CSMD3: variants seen among roughly 807,000 people sequenced by gnomAD.
CSMD3 encodes the protein CUB and Sushi multiple domains 3, also known as CUB and sushi domain-containing protein 3.
In CSMD3, 177 loss-of-function variants were observed where a neutral mutation model predicts 435.2. The ratio of observed to expected loss-of-function variants is 0.41; its 90% CI spans 0.36 to 0.46. The LOEUF (loss-of-function observed/expected upper bound fraction) is 0.46, where lower values mean the gene tolerates loss of function less well. Among genes scored for constraint, CSMD3 ranks in the 20% least tolerant of loss-of-function variants. CSMD3 has a pLI of 0.34. For missense variants in CSMD3, 4,265 were observed against 4,504.6 expected, an observed-to-expected ratio of 0.95 and a Z score of 1.52; for synonymous variants, 1,656 against 1,520.5, an observed-to-expected ratio of 1.09 and a Z score of -2.07.
In CSMD3 at chr8:112,237,312, T is replaced by C. The variant is rs140399224; in HGVS notation, c.10505A>G (p.Lys3502Arg). The change falls in exon 67 of 71, where the codon AAA (lysine) becomes AGA (arginine). Residue 3502 changes from lysine to arginine, a missense_variant. By Grantham distance (26) the Lys-to-Arg change is conservative (BLOSUM62 2). This residue lies in a region of CSMD3 where 3,255 missense variants were observed against 3,380.2 expected (regional missense o/e 0.96). Transcript: ENST00000297405. ...CCTTCCTTTGAAATTGTAAGAGCCT[T>C]TCCATATATAATTTTGGGCAAATAC... ...DDVFAQNYIW[K>R]GSYNFKGRKQ... is the part of the protein sequence containing the mutation. 6.2e-7 allele frequency: 1 copy of C among 1,612,962 alleles called. No homozygotes were observed. Among genetic ancestry groups the C allele is most frequent in the African/African-American group, 1.3e-5 (1 of 75,010 alleles).
chr8:112,467,171 C>A (rs2045033), intron 32 of CSMD3, among the ~76,000 whole-genome samples: 41,117 of 152,054 alleles, frequency 0.27, 5,740 homozygotes, highest in East Asian at 0.38. Context: ...GGGATTCATA[C>A]ATTTGAAACA....
At chr8:112,951,020 A>G (rs1352219897) in intron 8 of CSMD3, among the ~76,000 whole-genome samples, 1 of 151,904 alleles carries the variant, frequency 6.6e-6, no homozygotes, top group Non-Finnish European at 1.5e-5. Flanking sequence ...AAAACTTTCC[A>G]ATTTAAAATG....
chr8:112,384,484 A>T (rs1829762460), intron 36 of CSMD3, among the ~76,000 whole-genome samples: 2 of 152,174 alleles, frequency 1.3e-5, no homozygotes. Flanking sequence ...ACAACTACGG[A>T]TGCTACCTAT....
intron 59 of CSMD3, 64 bp downstream of exon 59, chr8:112,281,110 T>C: frequency 1.6e-6 from 2 of 1,224,252 alleles, no homozygotes; most frequent in Admixed American, 3.6e-5. Context: ...CACACAAAAA[T>C]ACTTATATAC....
chr8:112,267,344 T>C (rs2130434810), intron 59 of CSMD3, among the ~76,000 whole-genome samples: 1 of 152,232 alleles, frequency 6.6e-6, no homozygotes, highest in South Asian at 2.1e-4. Flanking sequence ...ATAATAGAGT[T>C]TTATATTCAG....
rs565301455 is a variant in CSMD3, at chr8:112,400,358, C to T, written c.5809+6166G>A. ...CCCATTGGTCATCTCCTAATGGCCC[C>T]ACCTCCCAATACAATCACCTTAGGG... On this transcript the variant is annotated intron_variant, in intron 35 of 70. Transcript: ENST00000297405. Among the ~76,000 whole-genome samples, 4 of 152,228 alleles carry T rather than the reference C, an allele frequency of 2.6e-5. No homozygotes were observed. The East Asian group carries it at 7.7e-4, about 29-fold the overall frequency.
chr8:113,037,627 A>G (rs1468046542), intron 5 of CSMD3, among the ~76,000 whole-genome samples: 1 of 152,126 alleles, frequency 6.6e-6, no homozygotes, highest in Non-Finnish European at 1.5e-5. Flanking sequence ...TGACAAATGT[A>G]TTGGTATTCT....
chr8:112,526,251 A>T (rs888182593), intron 27 of CSMD3, among the ~76,000 whole-genome samples: 3 of 152,076 alleles, frequency 2.0e-5, no homozygotes, highest in Non-Finnish European at 2.9e-5. Flanking sequence ...ATTCAATATC[A>T]TAGTAGGGCA....
chr8:113,435,323 T>G (rs769424748), intron 1 of CSMD3, among the ~76,000 whole-genome samples: 1 of 152,166 alleles, frequency 6.6e-6, no homozygotes, highest in African/African-American at 2.4e-5. Context: ...CCTGGCATTT[T>G]GGGATGTAAA....
intron 3 of CSMD3, among the ~76,000 whole-genome samples, chr8:113,223,559 C>A (rs1284569577): frequency 6.7e-6 from 1 of 149,668 alleles, no homozygotes; most frequent in African/African-American, 2.4e-5. Flanking sequence ...TATATTTTTA[C>A]AACACATGCT....
At chr8:113,318,079 T>A (rs779941655) in intron 1 of CSMD3, among the ~76,000 whole-genome samples, 1 of 152,186 alleles carries the variant, frequency 6.6e-6, no homozygotes, top group Non-Finnish European at 1.5e-5. Context: ...ATCTTTTGTG[T>A]ACAAAGGGCA....
At chr8:112,585,216 A>C (rs2131345138) in intron 23 of CSMD3, among the ~76,000 whole-genome samples, 1 of 151,732 alleles carries the variant, frequency 6.6e-6, no homozygotes, top group East Asian at 1.9e-4. Flanking sequence ...CAAGCCTATG[A>C]ATAGAAGGAT....
At chr8:113,306,344 G>A (rs528406086) in intron 2 of CSMD3, among the ~76,000 whole-genome samples, 89 of 152,156 alleles carry the variant, frequency 5.8e-4, no homozygotes, top group African/African-American at 2.0e-3. Flanking sequence ...CAGCTAATTG[G>A]ATTGAGTTAT....
intron 1 of CSMD3, among the ~76,000 whole-genome samples, chr8:113,409,802 A>T (rs1213887578): frequency 1.3e-5 from 2 of 152,098 alleles, no homozygotes; most frequent in Non-Finnish European, 2.9e-5. Flanking sequence ...TGAGGAAGAT[A>T]CTGACTGGCT....
At chr8:113,341,728 C>T (rs1285658088) in intron 1 of CSMD3, among the ~76,000 whole-genome samples, 1 of 152,052 alleles carries the variant, frequency 6.6e-6, no homozygotes, top group Non-Finnish European at 1.5e-5. Context: ...TTGCTACTAT[C>T]ATATAAATAT....
chr8:112,975,890 CT>C lies in CSMD3; in HGVS notation c.1288del (p.Arg430AspfsTer6). On this transcript the variant is annotated frameshift_variant, in exon 7 of 71. Transcript: ENST00000297405. LOFTEE classifies it high-confidence loss of function. ...ADTQSTRRRP[R>X]HAEQIERTKE... ...AGTTCTTTCTATCTGTTCAGCATGT[CT>C]TGGTCTTCTCCTGGTACTTTGTGTA... is the stretch of plus-strand genomic sequence containing the variant. 3 of 1,613,950 alleles carry C rather than the reference CT, an allele frequency of 1.9e-6. No individual in the cohort carries two copies. The highest frequency in any genetic ancestry group is 2.5e-6 in the Non-Finnish European group (3 of 1,179,916).
At chr8:112,478,656 C>G (rs184258458) in intron 31 of CSMD3, among the ~76,000 whole-genome samples, 2 of 152,192 alleles carry the variant, frequency 1.3e-5, no homozygotes, top group Admixed American at 6.5e-5. Flanking sequence ...CTACTGAGAG[C>G]GGCAGGAGGC....
Position 112,958,296 on chromosome 8 carries a change from C to T in CSMD3, c.1343-3535G>A, listed in dbSNP as rs573202884. On this transcript the variant is annotated intron_variant, in intron 7 of 70. Coordinates refer to ENST00000297405, the MANE Select transcript of CSMD3 (RefSeq NM_198123.2). ...ATTTTCTTTTCTTTCATATGCTAAACAATTTTTAATCATTTTTAAAATTTT... is the reference window on the plus strand; with the variant it reads ...ATTTTCTTTTCTTTCATATGCTAAATAATTTTTAATCATTTTTAAAATTTT... 9.1e-4 allele frequency among the ~76,000 whole-genome samples: 139 copies of T among 152,242 alleles called. 1 individual carries two copies. The highest frequency in any genetic ancestry group is 1.7e-3 in the Non-Finnish European group (113 of 68,000).
At chr8:112,908,221 T>C (rs973476077) in intron 10 of CSMD3, among the ~76,000 whole-genome samples, 3 of 151,454 alleles carry the variant, frequency 2.0e-5, no homozygotes, top group African/African-American at 4.8e-5. Flanking sequence ...CTTGGCAATG[T>C]TATTAGAAGG....
Sources: gnomAD v4.1 joint callset for allele counts (sites outside exome capture counted in the v4.1 genomes callset) on GRCh38, gnomAD v4.1.1 for gene constraint, gnomAD v4.1.1 regional missense constraint, MANE v1.5 for transcripts, NCBI Gene and HGNC (gene_info 2026-07-23, HGNC 2026-07-21) for gene names.